The following CIRSR variants were observed in gnomAD, a reference collection of about 807,000 sequenced individuals.
The protein encoded by CIRSR is CBF1 (RBPJ) interacting corepressor 1.
At chr2:174,356,522 A>AGGAAG in the CIRSR span, among the ~76,000 whole-genome samples, 11 of 135,602 alleles carry the variant, frequency 8.1e-5, no homozygotes, top group South Asian at 6.9e-4. Flanking sequence ...GAAGAAAGAA[A>AGGAAG]GAAAGAAGAA....
At chr2:174,387,037 T>C in the CIRSR span, among the ~76,000 whole-genome samples, 1 of 152,206 alleles carries the variant, frequency 6.6e-6, no homozygotes, top group Non-Finnish European at 1.5e-5. Flanking sequence ...TACTTAACTT[T>C]TATTTCTTTA....
chr2:174,354,428 TATGATATATATAATATATTATATA>T, the CIRSR span, among the ~76,000 whole-genome samples: 1 of 50,708 alleles, frequency 2.0e-5, no homozygotes, highest in Non-Finnish European at 3.9e-5. Flanking sequence ...ATATATATTA[TATGATATATATAATATATTATATA>T]ATATAATATA....
the CIRSR span, among the ~76,000 whole-genome samples, chr2:174,377,269 C>T: frequency 2.0e-5 from 3 of 152,290 alleles, no homozygotes; most frequent in East Asian, 3.9e-4. Flanking sequence ...TTTGAGCCAA[C>T]GGGTATATAA....
At chr2:174,381,789 AAGAC>A in the CIRSR span, 1 of 1,550,200 alleles carries the variant, frequency 6.5e-7, no homozygotes, top group Non-Finnish European at 8.7e-7. Flanking sequence ...TAAGTGAAAC[AAGAC>A]AAAGTTAACG....
the CIRSR span, among the ~76,000 whole-genome samples, chr2:174,386,702 C>T: frequency 1.3e-5 from 2 of 152,294 alleles, no homozygotes; most frequent in Non-Finnish European, 2.9e-5. Context: ...CAAAAAACGG[C>T]GCTCAGTTGA....
the CIRSR span, chr2:174,358,622 T>A: frequency 6.5e-6 from 1 of 152,682 alleles, no homozygotes; most frequent in Admixed American, 6.5e-5. Flanking sequence ...AGTGATGATA[T>A]ATCTGGCAAT....
At chr2:174,380,334 C>A in the CIRSR span, 1 of 974,220 alleles carries the variant, frequency 1.0e-6, no homozygotes, top group Non-Finnish European at 1.5e-6. Flanking sequence ...AATAGTTTTA[C>A]AGTTCTAAGA....
the CIRSR span, chr2:174,395,446 G>C: frequency 1.8e-6 from 2 of 1,127,480 alleles, no homozygotes; most frequent in Admixed American, 1.8e-5. Context: ...CTAGAGAAGC[G>C]GAGGCTGTCC....
the CIRSR span, among the ~76,000 whole-genome samples, chr2:174,381,210 G>T: frequency 1.3e-5 from 2 of 152,128 alleles, no homozygotes; most frequent in African/African-American, 4.8e-5. Flanking sequence ...AGATTAGAAA[G>T]ATATTTTTTA....
the CIRSR span, among the ~76,000 whole-genome samples, chr2:174,380,981 T>C: frequency 6.6e-6 from 1 of 152,190 alleles, no homozygotes; most frequent in Admixed American, 6.5e-5. Flanking sequence ...TTCAGACTAT[T>C]GCAGGACAAA....
the CIRSR span, among the ~76,000 whole-genome samples, chr2:174,353,171 ATT>A: frequency 1.1e-4 from 16 of 152,296 alleles, no homozygotes; most frequent in South Asian, 2.1e-4. Flanking sequence ...AAAACTGTCT[ATT>A]ATTGGAGTAT....
the CIRSR span, among the ~76,000 whole-genome samples, chr2:174,392,809 T>C: frequency 6.6e-6 from 1 of 151,954 alleles, no homozygotes; most frequent in Non-Finnish European, 1.5e-5. Flanking sequence ...ATATGTTGAG[T>C]TTGAGGTGCC....
At chr2:174,379,868 C>T in the CIRSR span, among the ~76,000 whole-genome samples, 10 of 151,852 alleles carry the variant, frequency 6.6e-5, no homozygotes, top group African/African-American at 1.9e-4. Context: ...GGATTACAGG[C>T]GCCTGCCACC....
the CIRSR span, chr2:174,395,484 C>T: frequency 1.4e-6 from 2 of 1,467,886 alleles, no homozygotes; most frequent in Non-Finnish European, 1.9e-6. Flanking sequence ...CCATCACTTT[C>T]ACTTCCAGCA....
the CIRSR span, among the ~76,000 whole-genome samples, chr2:174,385,329 G>C: frequency 3.4e-5 from 5 of 148,714 alleles, no homozygotes; most frequent in African/African-American, 1.2e-4. Flanking sequence ...AAAAACAAAA[G>C]AGAAACAATA....
the CIRSR span, among the ~76,000 whole-genome samples, chr2:174,379,278 T>C: frequency 3.3e-5 from 5 of 152,224 alleles, no homozygotes; most frequent in African/African-American, 1.2e-4. Context: ...GGCAATATAA[T>C]GTCATCCAAA....
the CIRSR span, among the ~76,000 whole-genome samples, chr2:174,369,603 T>A: frequency 6.6e-6 from 1 of 152,210 alleles, no homozygotes; most frequent in Admixed American, 6.5e-5. Context: ...TTGATTAAAG[T>A]GAGAGATGTG....
the CIRSR span, among the ~76,000 whole-genome samples, chr2:174,380,442 T>C: frequency 2.0e-5 from 3 of 152,122 alleles, no homozygotes; most frequent in Non-Finnish European, 2.9e-5. Flanking sequence ...AGTCTGATAA[T>C]TTGTGATATT....
At chr2:174,373,353 T>C in the CIRSR span, among the ~76,000 whole-genome samples, 1 of 152,358 alleles carries the variant, frequency 6.6e-6, no homozygotes, top group South Asian at 2.1e-4. Context: ...ATCATGAACA[T>C]AGCCTTTACA....
Sources: gnomAD v4.1 joint callset for allele counts (sites outside exome capture counted in the v4.1 genomes callset) on GRCh38, gnomAD v4.1.1 for gene constraint, MANE v1.5 for transcripts, NCBI Gene and HGNC (gene_info 2026-07-23, HGNC 2026-07-21) for gene names.